The following UNC80 variants were observed in gnomAD, a reference collection of about 807,000 sequenced individuals.
UNC80 encodes the protein protein unc-80 homolog.
A neutral mutation model predicts 384.6 loss-of-function variants in UNC80; 164 were observed. The ratio of observed to expected loss-of-function variants is 0.43; its 90% CI spans 0.38 to 0.49. UNC80 has a LOEUF of 0.49. UNC80 is among the 20% of genes least tolerant of loss of function. The probability of loss-of-function intolerance (pLI) is 0.00; values close to 1 mark genes in which losing one functional copy is unlikely to be tolerated. For synonymous variants in UNC80, 1,486 were observed against 1,527.8 expected, an observed-to-expected ratio of 0.97 and a Z score of 0.64; for missense variants, 3,330 against 4,143.0, an observed-to-expected ratio of 0.80 and a Z score of 5.39.
intron 22 of UNC80, among the ~76,000 whole-genome samples, chr2:209,862,773 T>G (rs928550696): frequency 6.6e-6 from 1 of 152,024 alleles, no homozygotes; most frequent in Admixed American, 6.5e-5. Context: ...TGATGGGTTT[T>G]GACTTTTTAT....
rs555647580 is a variant in UNC80 at position 209,839,208 on chromosome 2, C to G, written c.3042-14C>G. The G allele has an allele frequency of 1.3e-6, 2 of 1,550,786 alleles. No individual in the cohort carries two copies. The highest frequency in any genetic ancestry group is 2.4e-5 in the East Asian group (1 of 40,888). ...GTTGTCAGAAGTTTAACCCTATCCTCTGCTTGCCTACAGCGATGAACAAAT... is the reference window on the plus strand; with the variant it reads ...GTTGTCAGAAGTTTAACCCTATCCTGTGCTTGCCTACAGCGATGAACAAAT... On this transcript the variant is annotated splice_polypyrimidine_tract_variant and intron_variant, in intron 18 of 64. Coordinates refer to ENST00000673920, the MANE Select transcript of UNC80 (RefSeq NM_001371986.1). This position sits in a 1 kb window ranked among gnomAD's most constrained non-coding sequence, Gnocchi z 4.1.
In UNC80 at chr2:209,839,342, G is replaced by A. The variant is rs367811380; in HGVS notation, c.3162G>A (p.Thr1054=). The A allele has an allele frequency of 7.1e-6, 11 of 1,551,838 alleles. No homozygotes were observed. In the South Asian group the frequency reaches 8.3e-5, roughly 12 times the overall value. Reference sequence around the variant, plus strand: ...CTGAACAGGACACTTCAGAATGCACGACTGCCCACTCAGGGACCACCTCTG... The same window carrying A: ...CTGAACAGGACACTTCAGAATGCACAACTGCCCACTCAGGGACCACCTCTG... The part of the protein sequence containing the change: ...SQSEQDTSEC[T]TAHSGTTSDR... Residue 1054 remains threonine, a synonymous_variant, in exon 19 of 65, where the codon ACG becomes ACA. Coordinates refer to ENST00000673920, the MANE Select transcript of UNC80 (RefSeq NM_001371986.1). The surrounding 1 kb of genome is among the most constrained non-coding windows in gnomAD (Gnocchi z 4.1).
intron 31 of UNC80, 53 bp downstream of exon 31, chr2:209,913,993 C>A: frequency 1.3e-6 from 2 of 1,486,100 alleles, no homozygotes; most frequent in Admixed American, 2.5e-5. Context: ...TGTTACTGAT[C>A]CAAGTGTTTA....
chr2:209,827,601 C>T lies in UNC80; in HGVS notation c.2478+1548C>T, dbSNP rs538651046. ...CTATTATCTCCTTCTGTTTAATGCT[C>T]ATTATTGATATTATATTTGCTTATT... On this transcript the variant is annotated intron_variant, in intron 14 of 64. Coordinates refer to ENST00000673920, the MANE Select transcript of UNC80 (RefSeq NM_001371986.1). Among the ~76,000 whole-genome samples, 5 of 152,184 alleles carry T rather than the reference C, an allele frequency of 3.3e-5. No homozygotes were observed. The South Asian group carries it at 1.0e-3, about 32-fold the overall frequency.
At chr2:209,806,261 C>T (rs2370835) in intron 7 of UNC80, among the ~76,000 whole-genome samples, 76,766 of 152,106 alleles carry the variant, frequency 0.5, 20,986 homozygotes, top group East Asian at 0.61. Context: ...AATGATGTTT[C>T]TTTTCTCTGA....
intron 7 of UNC80, among the ~76,000 whole-genome samples, chr2:209,797,073 T>C (rs1027708667): frequency 2.6e-5 from 4 of 152,250 alleles, no homozygotes; most frequent in African/African-American, 9.6e-5. Flanking sequence ...TCATACAGTC[T>C]GTGGCCTTTT....
chr2:209,833,883 C>A, intron 16 of UNC80, 119 bp from the exon 17 acceptor site: 1 of 975,124 alleles, frequency 1.0e-6, no homozygotes, highest in Non-Finnish European at 1.5e-6. Context: ...ACTGTCCTGT[C>A]TTAATGATTC....
In UNC80 at chr2:209,954,091, C is replaced by A; in HGVS notation, c.7287-9C>A. The A allele has an allele frequency of 2.6e-6, 4 of 1,542,664 alleles. No individual in the cohort carries two copies. Among genetic ancestry groups the A allele is most frequent in the Non-Finnish European group, 3.5e-6 (4 of 1,144,262 alleles). On this transcript the variant is annotated splice_polypyrimidine_tract_variant and intron_variant, in intron 47 of 64. Transcript: ENST00000673920. Reference sequence around the variant, plus strand: ...AAAGGTGACTCGGTTTTCTTTCTGTCGCTTAAAGTCTTCAGATGCTGATGG... The same window carrying A: ...AAAGGTGACTCGGTTTTCTTTCTGTAGCTTAAAGTCTTCAGATGCTGATGG...
Position 209,994,283 on chromosome 2 carries a change from C to T in UNC80, c.9708+19C>T, listed in dbSNP as rs1425956504. On this transcript the variant is annotated intron_variant, in intron 64 of 64. Coordinates refer to ENST00000673920, the MANE Select transcript of UNC80 (RefSeq NM_001371986.1). ...CAAGCAGGTGAGGGCACTAGAGAAA[C>T]AGGCAAGGCTTGCTCCCTGTGTACT... is the stretch of plus-strand genomic sequence containing the variant. 6.5e-7 allele frequency: 1 copy of T among 1,540,118 alleles called. No homozygotes were observed. The highest frequency in any genetic ancestry group is 1.2e-5 in the South Asian group (1 of 82,358).
At chr2:209,988,155 T>C (rs889028778) in intron 61 of UNC80, among the ~76,000 whole-genome samples, 3 of 152,224 alleles carry the variant, frequency 2.0e-5, no homozygotes, top group Non-Finnish European at 4.4e-5. Flanking sequence ...CGTATTTCCC[T>C]GCTCTCTACA....
At chr2:209,837,583 G>A (rs909561935) in intron 18 of UNC80, among the ~76,000 whole-genome samples, 1 of 152,030 alleles carries the variant, frequency 6.6e-6, no homozygotes, top group Non-Finnish European at 1.5e-5. Context: ...TCACTTTGCA[G>A]TATATAGTGA....
rs138421862 is a variant in UNC80 at position 209,777,357 on chromosome 2, G to C, written c.398G>C (p.Gly133Ala). ...APQDCNNERF[G>A]GTDRGSSWGG... Reference sequence around the variant, plus strand: ...CAGGACTGCAACAATGAGCGGTTTGGGGGTACAGACCGAGGCTCCAGCTGG... The same window carrying C: ...CAGGACTGCAACAATGAGCGGTTTGCGGGTACAGACCGAGGCTCCAGCTGG... The change falls in exon 4 of 65, where the codon GGG (glycine) becomes GCG (alanine). Residue 133 changes from glycine (G) to alanine (A), a missense_variant. Gly to Ala is a moderately conservative substitution (Grantham distance 60). Around this residue, in one of 8 missense-constraint regions of UNC80, gnomAD observed 937 missense variants for 1,026.8 expected, o/e 0.91. Coordinates refer to ENST00000673920, the MANE Select transcript of UNC80 (RefSeq NM_001371986.1). 322 of 1,614,028 alleles carry C rather than the reference G, an allele frequency of 2.0e-4. No homozygotes were observed. The highest frequency in any genetic ancestry group is 2.2e-4 in the Admixed American group (13 of 60,004).
chr2:209,825,743 A>G (rs1449347753), intron 13 of UNC80, among the ~76,000 whole-genome samples, 164 bp from the exon 14 acceptor site: 1 of 152,204 alleles, frequency 6.6e-6, no homozygotes, highest in Non-Finnish European at 1.5e-5. Flanking sequence ...AAATTTTAGA[A>G]AACTGAGCGT....
chr2:209,820,418 C>T lies in UNC80; in HGVS notation c.2070C>T (p.Pro690=), dbSNP rs748141960. ...GCTTGCTTCAACTTGGTGTGGTGCC[C>T]TGTGTAGAAAAGAATAGAAAGAAGA... ...VECLLQLGVV[P]CVEKNRKKSE... The change falls in exon 13 of 65, where the codon CCC becomes CCT. Residue 690 remains proline, a synonymous_variant. Transcript: ENST00000673920. 3 of 1,551,662 alleles carry T rather than the reference C, an allele frequency of 1.9e-6. No individual in the cohort carries two copies. The highest frequency in any genetic ancestry group is 1.2e-5 in the South Asian group (1 of 84,032).
At chr2:209,864,854 C>T (rs894022562) in intron 22 of UNC80, among the ~76,000 whole-genome samples, 10 of 152,206 alleles carry the variant, frequency 6.6e-5, no homozygotes, top group Non-Finnish European at 1.5e-5. Context: ...GCTTAAACAG[C>T]AGGCAGCCAG....
intron 36 of UNC80, 25 bp downstream of exon 36, chr2:209,927,011 T>C (rs1297805318): frequency 2.6e-6 from 4 of 1,550,116 alleles, no homozygotes; most frequent in Non-Finnish European, 3.5e-6. Flanking sequence ...AGTCAGATCA[T>C]CAGTGACATT....
rs1283765907 is a variant in UNC80, at chr2:209,959,559, G to C, written c.7657G>C (p.Glu2553Gln). ...REELDERIAREEFRRPRESLL... is the reference protein window; with the variant it reads ...REELDERIARQEFRRPRESLL... ...GGAACTGGATGAACGAATTGCTCGG[G>C]AAGAGTTCAGAAGACCCCGGGAGTC... is the stretch of plus-strand genomic sequence containing the variant. The change falls in exon 51 of 65, where the codon GAA becomes CAA. Residue 2553 changes from glutamate to glutamine, a missense_variant. Around this residue, in one of 8 missense-constraint regions of UNC80, gnomAD observed 1,049 missense variants for 1,488.6 expected, o/e 0.70. Coordinates refer to ENST00000673920, the MANE Select transcript of UNC80 (RefSeq NM_001371986.1). 3 of 1,551,610 alleles carry C rather than the reference G, an allele frequency of 1.9e-6. No homozygotes were observed. Among genetic ancestry groups the C allele is most frequent in the Non-Finnish European group, 2.6e-6 (3 of 1,146,994 alleles).
chr2:209,985,230 A>G (rs2093262045), intron 61 of UNC80, among the ~76,000 whole-genome samples: 2 of 152,216 alleles, frequency 1.3e-5, no homozygotes, highest in South Asian at 4.1e-4. Flanking sequence ...AATTTATCCC[A>G]TCTAATTATT....
chr2:209,894,773 A>G (rs1437947442), intron 27 of UNC80, among the ~76,000 whole-genome samples: 3 of 152,212 alleles, frequency 2.0e-5, no homozygotes, highest in Non-Finnish European at 4.4e-5. Flanking sequence ...TTGTGTATTC[A>G]TTCTTTTGAT....
Sources: allele counts gnomAD v4.1 joint callset (sites outside exome capture counted in the v4.1 genomes callset), GRCh38; gene constraint gnomAD v4.1.1; regional missense constraint gnomAD v4.1.1; non-coding constraint Gnocchi (gnomAD v3.1); transcripts MANE v1.5; gene names NCBI Gene and HGNC (gene_info 2026-07-23, HGNC 2026-07-21).